The following MARCHF1 variants were observed in gnomAD, a reference collection of about 807,000 sequenced individuals.
MARCHF1 encodes the protein membrane associated ring-CH-type finger 1.
A neutral mutation model predicts 54.2 loss-of-function variants in MARCHF1; 40 were observed. The observed-to-expected ratio is 0.74, with a 90% CI of 0.57 to 0.96. The LOEUF (loss-of-function observed/expected upper bound fraction) is 0.96. MARCHF1 is among the 40% of genes least tolerant of loss of function. The probability of loss-of-function intolerance (pLI) is 0.00; values close to 1 mark genes in which losing one functional copy is unlikely to be tolerated. For synonymous variants in MARCHF1, 236 were observed against 236.3 expected, an observed-to-expected ratio of 1.00 and a Z score of 0.01; for missense variants, 586 against 656.5, an observed-to-expected ratio of 0.89 and a Z score of 1.17.
chr4:164,014,155 G>A (rs534576319), intron 2 of MARCHF1, among the ~76,000 whole-genome samples: 10 of 147,820 alleles, frequency 6.8e-5, no homozygotes, highest in Non-Finnish European at 1.3e-4. Flanking sequence ...TCGCATCACT[G>A]CACTCCAGCC....
rs151172359 is a variant in MARCHF1 at position 164,048,236 on chromosome 4, A to G, written c.-247-59527T>C. ...GCTTAAACAAATCAGTATTTTTATT[A>G]TTGTTTTACACTTTAATCCTTTTTT... On this transcript the variant is annotated intron_variant, in intron 2 of 9. Transcript: ENST00000514618. Among the ~76,000 whole-genome samples, 633 of 152,240 alleles carry G rather than the reference A, an allele frequency of 4.2e-3. 1 individual carries two copies. Among genetic ancestry groups the G allele is most frequent in the Non-Finnish European group, 7.5e-3 (508 of 67,950 alleles).
intron 3 of MARCHF1, among the ~76,000 whole-genome samples, chr4:163,887,720 C>T (rs985950476): frequency 2.0e-5 from 3 of 152,048 alleles, no homozygotes. Flanking sequence ...GCTGTTTCAC[C>T]AACATGTGCA....
chr4:164,258,961 A>G (rs1454647664), intron 1 of MARCHF1, among the ~76,000 whole-genome samples: 1 of 152,194 alleles, frequency 6.6e-6, no homozygotes, highest in Admixed American at 6.5e-5. Context: ...ATAGTAATTG[A>G]AAGTCTGTTC....
chr4:163,610,017 G>A (rs1416666745), intron 7 of MARCHF1, among the ~76,000 whole-genome samples: 4 of 152,048 alleles, frequency 2.6e-5, no homozygotes, highest in Non-Finnish European at 5.9e-5. Context: ...GCAAGTGCCA[G>A]TGTCCCATCC....
intron 1 of MARCHF1, among the ~76,000 whole-genome samples, chr4:164,125,919 G>T (rs1756169846): frequency 6.6e-6 from 1 of 152,132 alleles, no homozygotes; most frequent in Admixed American, 6.6e-5. Context: ...AACCATCCCT[G>T]CCCCATTCTG....
At chr4:164,331,553 G>A (rs1735434343) in intron 1 of MARCHF1, among the ~76,000 whole-genome samples, 1 of 152,174 alleles carries the variant, frequency 6.6e-6, no homozygotes, top group African/African-American at 2.4e-5. Flanking sequence ...CTATTAAAAT[G>A]CTAGCAGAGT....
intron 7 of MARCHF1, among the ~76,000 whole-genome samples, chr4:163,600,207 TA>T (rs1464383538): frequency 6.6e-6 from 1 of 151,888 alleles, no homozygotes; most frequent in East Asian, 1.9e-4. Flanking sequence ...TATACACACA[TA>T]TTTTATATAC....
At chr4:164,327,464 G>A (rs1735313880) in intron 1 of MARCHF1, among the ~76,000 whole-genome samples, 2 of 152,158 alleles carry the variant, frequency 1.3e-5, no homozygotes, top group Non-Finnish European at 1.5e-5. Flanking sequence ...CAAGGGAGAG[G>A]AATGTGGTGA....
chr4:164,232,567 C>A (rs541343012), intron 1 of MARCHF1, among the ~76,000 whole-genome samples: 1 of 152,184 alleles, frequency 6.6e-6, no homozygotes, highest in African/African-American at 2.4e-5. Flanking sequence ...CACCCTTGGC[C>A]GATATGCAGC....
chr4:164,079,577 A>G (rs1755053006), intron 2 of MARCHF1, among the ~76,000 whole-genome samples: 1 of 152,146 alleles, frequency 6.6e-6, no homozygotes, highest in Non-Finnish European at 1.5e-5. Flanking sequence ...ATGCTTAAGG[A>G]CTTATATAAC....
At position 163,699,571 on chromosome 4, in the gene MARCHF1, C is replaced by A. The variant is rs112324972; in HGVS notation, c.162+1242G>T. 6.6e-5 allele frequency among the ~76,000 whole-genome samples: 10 copies of A among 152,244 alleles called. No homozygotes were observed. In the East Asian group the frequency reaches 7.7e-4, roughly 12 times the overall value. The stretch of plus-strand genomic sequence containing the variant: ...AAACGTCTCTAAATTGGAAGTTGAT[C>A]TACTTTCTTTAATGTCTGAAGATTA... On this transcript the variant is annotated intron_variant, in intron 5 of 9. Coordinates refer to ENST00000514618, the MANE Select transcript of MARCHF1 (RefSeq NM_001394959.1).
At chr4:164,220,654 T>TAATATATATGCTATATATGCATATAA (rs1732078947) in intron 1 of MARCHF1, among the ~76,000 whole-genome samples, 3 of 141,934 alleles carry the variant, frequency 2.1e-5, no homozygotes, top group Non-Finnish European at 4.5e-5. Flanking sequence ...TATGCATATA[T>TAATATATATGCTATATATGCATATAA]GTAATATATA....
intron 1 of MARCHF1, among the ~76,000 whole-genome samples, chr4:164,170,148 C>T (rs914718905): frequency 5.9e-5 from 9 of 152,132 alleles, no homozygotes; most frequent in Admixed American, 5.9e-4. Context: ...GAATATGAGC[C>T]AGCTCTTAGA....
intron 1 of MARCHF1, among the ~76,000 whole-genome samples, chr4:164,333,894 T>C (rs1043126606): frequency 2.0e-5 from 3 of 152,188 alleles, no homozygotes; most frequent in Non-Finnish European, 4.4e-5. Context: ...ACATGAATGA[T>C]AAGAAGGTAA....
At chr4:163,531,216 G>A (rs1453385468) in intron 9 of MARCHF1, among the ~76,000 whole-genome samples, 1 of 151,822 alleles carries the variant, frequency 6.6e-6, no homozygotes, top group Non-Finnish European at 1.5e-5. Context: ...CTCATGAGCA[G>A]ATACAAAAAT....
chr4:163,626,166 A>G lies in MARCHF1; in HGVS notation c.163-12773T>C, dbSNP rs546859341. On this transcript the variant is annotated intron_variant, in intron 5 of 9. Transcript: ENST00000514618. ...GGAGGCCAGCTGCACTAATTTTATC[A>G]AAGTTATTTATATCAGCAGTATAAT... is the stretch of plus-strand genomic sequence containing the variant. Among the ~76,000 whole-genome samples the G allele has an allele frequency of 7.2e-5, 11 of 152,356 alleles. No individual in the cohort carries two copies. The East Asian group carries it at 1.2e-3, about 16-fold the overall frequency.
chr4:164,176,941 GCTCT>G (rs57770641), intron 1 of MARCHF1, among the ~76,000 whole-genome samples: 732 of 57,952 alleles, frequency 0.013, 22 homozygotes, highest in East Asian at 0.026. Context: ...TACCTTGTGC[GCTCT>G]CTCTCTCTCT....
intron 4 of MARCHF1, among the ~76,000 whole-genome samples, chr4:163,714,074 A>G (rs1561033838): frequency 6.6e-6 from 1 of 152,198 alleles, no homozygotes. Context: ...GTTGATTTAC[A>G]TTTCAGTGTC....
At chr4:164,058,647 C>T (rs78089188) in intron 2 of MARCHF1, among the ~76,000 whole-genome samples, 25 of 152,322 alleles carry the variant, frequency 1.6e-4, no homozygotes, top group African/African-American at 6.0e-4. Context: ...GCCACCTCCC[C>T]ATCTCCCTAG....
Sources: allele counts gnomAD v4.1 joint callset (sites outside exome capture counted in the v4.1 genomes callset), GRCh38; gene constraint gnomAD v4.1.1; transcripts MANE v1.5; gene names NCBI Gene and HGNC (gene_info 2026-07-23, HGNC 2026-07-21).